Variants in FRMD6 observed in about 807,000 individuals in gnomAD.
FRMD6 encodes the protein FERM domain-containing protein 6.
FRMD6 carries 37 observed loss-of-function variants against 73.2 expected under a neutral mutation model. That is an observed-to-expected ratio of 0.51 (90% CI 0.39 to 0.66). The LOEUF (loss-of-function observed/expected upper bound fraction) is 0.66, where lower values mean the gene tolerates loss of function less well. Among genes scored for constraint, FRMD6 ranks in the 30% least tolerant of loss-of-function variants. The probability of loss-of-function intolerance (pLI) is 0.00; values close to 1 mark genes in which losing one functional copy is unlikely to be tolerated. For missense variants in FRMD6, 714 were observed against 780.5 expected, an observed-to-expected ratio of 0.91 and a Z score of 1.02; for synonymous variants, 273 against 282.2, an observed-to-expected ratio of 0.97 and a Z score of 0.33.
intron 2 of FRMD6, among the ~76,000 whole-genome samples, chr14:51,595,008 C>G (rs1046714510): frequency 2.0e-5 from 3 of 152,168 alleles, no homozygotes; most frequent in Non-Finnish European, 2.9e-5. Context: ...TGGGTTAACC[C>G]TGGATACTCA....
intron 2 of FRMD6, chr14:51,643,453 C>A (rs1410433655): frequency 2.0e-5 from 3 of 152,272 alleles, no homozygotes; most frequent in African/African-American, 7.2e-5. Context: ...TTTCTTTAGG[C>A]TTCTTCAATG....
intron 2 of FRMD6, among the ~76,000 whole-genome samples, chr14:51,633,673 C>A (rs1485140442): frequency 7.3e-6 from 1 of 137,322 alleles, no homozygotes. Flanking sequence ...TAATAAAAAG[C>A]AGTGTTTTGT....
chr14:51,450,467 G>C, the FRMD6 span, among the ~76,000 whole-genome samples: 19 of 152,226 alleles, frequency 1.2e-4, no homozygotes, highest in East Asian at 3.5e-3. Flanking sequence ...CAAATGCCTA[G>C]AAGCTCTTCC....
the FRMD6 span, among the ~76,000 whole-genome samples, chr14:51,400,029 T>C: frequency 5.9e-5 from 9 of 152,122 alleles, no homozygotes; most frequent in Non-Finnish European, 1.2e-4. Flanking sequence ...CACAATGGAA[T>C]GTTTCAATAC....
chr14:51,611,532 T>A (rs1164288500), intron 2 of FRMD6, among the ~76,000 whole-genome samples: 1 of 152,218 alleles, frequency 6.6e-6, no homozygotes, highest in Non-Finnish European at 1.5e-5. Flanking sequence ...ACGGTCAAGA[T>A]TGAGAATCAC....
chr14:51,462,571 A>G, the FRMD6 span, among the ~76,000 whole-genome samples: 1 of 152,270 alleles, frequency 6.6e-6, no homozygotes, highest in Non-Finnish European at 1.5e-5. Flanking sequence ...GGTTCCTGGT[A>G]ATCAAGAGGT....
chr14:51,671,333 A>G (rs753933407), intron 1 of FRMD6, among the ~76,000 whole-genome samples: 1 of 152,196 alleles, frequency 6.6e-6, no homozygotes, highest in Non-Finnish European at 1.5e-5. Flanking sequence ...TTATTTGAAC[A>G]TTGATAGAGT....
chr14:51,538,703 C>T (rs1201280962), intron 1 of FRMD6, among the ~76,000 whole-genome samples: 1 of 152,186 alleles, frequency 6.6e-6, no homozygotes, highest in Non-Finnish European at 1.5e-5. Flanking sequence ...CAACTAGCCA[C>T]CTAAGATAAT....
At chr14:51,531,619 A>G (rs1360388166) in intron 1 of FRMD6, among the ~76,000 whole-genome samples, 3 of 152,252 alleles carry the variant, frequency 2.0e-5, no homozygotes, top group Non-Finnish European at 2.9e-5. Flanking sequence ...TTGTATCTAC[A>G]GCCATTACAT....
rs553112348 is a variant in FRMD6, at chr14:51,523,884, T to C, written c.-210+34464T>C. Among the ~76,000 whole-genome samples, 181 of 152,322 alleles carry C rather than the reference T, an allele frequency of 1.2e-3. 2 individuals carry two copies. Among genetic ancestry groups the C allele is most frequent in the African/African-American group, 4.2e-3 (175 of 41,576 alleles). Reference sequence around the variant, plus strand: ...TCTATAACAGTGTTGTTGACCAAATTGTGCATAGTAAAATGCCTATGGTGG... The same window carrying C: ...TCTATAACAGTGTTGTTGACCAAATCGTGCATAGTAAAATGCCTATGGTGG... On this transcript the variant is annotated intron_variant, in intron 1 of 14. Coordinates refer to the FRMD6 transcript ENST00000356218.
the FRMD6 span, among the ~76,000 whole-genome samples, chr14:51,468,613 T>G: frequency 2.0e-5 from 3 of 152,162 alleles, no homozygotes; most frequent in Non-Finnish European, 2.9e-5. Flanking sequence ...TCCAATACAA[T>G]GTTGAATAGA....
intron 2 of FRMD6, among the ~76,000 whole-genome samples, chr14:51,592,155 A>G (rs1050076360): frequency 3.3e-5 from 5 of 152,332 alleles, no homozygotes; most frequent in Admixed American, 2.0e-4. Context: ...AACAATTAGC[A>G]CATGTTGCTT....
In FRMD6 at chr14:51,549,595, C is replaced by CTTTTTTTT. The variant is rs35356416; in HGVS notation, c.-209-20740_-209-20733dup. On this transcript the variant is annotated intron_variant, in intron 1 of 14. Coordinates refer to the FRMD6 transcript ENST00000356218. ...TGGAGTATAAACTTTTTTTTTCTTT[C>CTTTTTTTT]TTTTTTTTTTTTTTTTTTTTGAGAC... Among the ~76,000 whole-genome samples, 145 of 97,998 alleles carry CTTTTTTTT rather than the reference C, an allele frequency of 1.5e-3. 2 individuals carry two copies. The highest frequency in any genetic ancestry group is 4.4e-3 in the African/African-American group (108 of 24,422). 64.3% of individuals were successfully genotyped at this position (97,998 alleles called of 152,430 possible).
chr14:51,441,358 T>G, the FRMD6 span, among the ~76,000 whole-genome samples: 1 of 152,170 alleles, frequency 6.6e-6, no homozygotes, highest in Non-Finnish European at 1.5e-5. Context: ...CTACCAGAAA[T>G]CTATAGAGGC....
At chr14:51,721,708 AAGGAAGGAAGGG>A (rs1265592247) in intron 11 of FRMD6, among the ~76,000 whole-genome samples, 42 of 85,182 alleles carry the variant, frequency 4.9e-4, no homozygotes, top group South Asian at 1.4e-3. Context: ...GGAAGGAAGG[AAGGAAGGAAGGG>A]AGGGAGGAAG....
intron 2 of FRMD6, among the ~76,000 whole-genome samples, chr14:51,610,017 T>TGGC (rs1347337463): frequency 6.6e-6 from 1 of 152,178 alleles, no homozygotes; most frequent in Non-Finnish European, 1.5e-5. Context: ...CAGCTGTATG[T>TGGC]GGCTATAGAG....
intron 2 of FRMD6, among the ~76,000 whole-genome samples, chr14:51,629,278 C>A (rs1891249036): frequency 6.6e-6 from 1 of 152,150 alleles, no homozygotes; most frequent in Admixed American, 6.5e-5. Flanking sequence ...AGTCCATGCA[C>A]CAATTGAAGG....
chr14:51,458,251 C>G, the FRMD6 span, among the ~76,000 whole-genome samples: 1 of 152,110 alleles, frequency 6.6e-6, no homozygotes, highest in African/African-American at 2.4e-5. Flanking sequence ...CTTGCATGGC[C>G]CCTTTCCCAT....
intron 1 of FRMD6, among the ~76,000 whole-genome samples, chr14:51,545,043 T>C (rs953588853): frequency 1.3e-5 from 2 of 152,126 alleles, no homozygotes; most frequent in East Asian, 1.9e-4. Context: ...AGGAAGGGTT[T>C]GGGGCTGAAA....
Sources: gnomAD v4.1 joint callset for allele counts (sites outside exome capture counted in the v4.1 genomes callset) on GRCh38, gnomAD v4.1.1 for gene constraint, MANE v1.5 for transcripts, NCBI Gene and HGNC (gene_info 2026-07-23, HGNC 2026-07-21) for gene names.